OR6C4: variants seen among roughly 807,000 people sequenced by gnomAD.
OR6C4 encodes the protein olfactory receptor family 6 subfamily C member 4.
OR6C4 carries 20 observed loss-of-function variants against 15.1 expected under a neutral mutation model. The observed-to-expected ratio is 1.32, with a 90% CI of 0.93 to 1.92. The LOEUF is 1.92. OR6C4 is among the 30% of genes most tolerant of loss of function. OR6C4 has a pLI of 0.00. For missense variants in OR6C4, 491 were observed against 363.2 expected, an observed-to-expected ratio of 1.35 and a Z score of -2.86; for synonymous variants, 179 against 134.2, an observed-to-expected ratio of 1.33 and a Z score of -2.31.
In OR6C4 at chr12:55,553,080, C is replaced by A. The variant is rs1873920185; in HGVS notation, c.*924C>A. 6.6e-6 allele frequency: 1 copy of A among 151,906 alleles called. No individual in the cohort carries two copies. 9.4% of individuals were successfully genotyped at this position (151,906 alleles called of 1,614,324 possible). A position where few individuals can be genotyped will look rare whatever the true frequency, so the allele number is the denominator to read the frequency against. On this transcript the variant is annotated 3_prime_UTR_variant, in exon 2 of 2. Coordinates refer to ENST00000641569, the MANE Select transcript of OR6C4 (RefSeq NM_001005494.2). ...TCTTTAACTTTCCCCCAGATTTTTG[C>A]TTTCGTTTGTAACATAAACCATGGA...
At position 55,551,190 on chromosome 12, in the gene OR6C4, T is replaced by A. The variant is rs1185612750; in HGVS notation, c.-18-19T>A. The A allele has an allele frequency of 7.1e-7, 1 of 1,413,280 alleles. No homozygotes were observed. The highest frequency in any genetic ancestry group is 9.9e-7 in the Non-Finnish European group (1 of 1,011,554). 87.5% of individuals were successfully genotyped at this position (1,413,280 alleles called of 1,614,324 possible). On this transcript the variant is annotated intron_variant, in intron 1 of 1. Coordinates refer to ENST00000641569, the MANE Select transcript of OR6C4 (RefSeq NM_001005494.2). ...TAAGAAACTCTTCAATTTTCATCAT[T>A]CTCACCTTTTGCCTTTAGGTTTTCC...
At position 55,552,187 on chromosome 12, in the gene OR6C4, C is replaced by A; in HGVS notation, c.*31C>A. The A allele has an allele frequency of 6.8e-7, 1 of 1,460,430 alleles. No individual in the cohort carries two copies. Among genetic ancestry groups the A allele is most frequent in the South Asian group, 1.2e-5 (1 of 80,382 alleles). The allele number at this position is 1,460,430 out of a possible 1,614,324, so 90.5% of individuals were successfully genotyped here. On this transcript the variant is annotated 3_prime_UTR_variant, in exon 2 of 2. Coordinates refer to ENST00000641569, the MANE Select transcript of OR6C4 (RefSeq NM_001005494.2). ...GAGATTACACTTCAAAATACATTTTCACTTAACAAATATGCATTGAATGTC... is the reference window on the plus strand; with the variant it reads ...GAGATTACACTTCAAAATACATTTTAACTTAACAAATATGCATTGAATGTC...
Position 55,552,464 on chromosome 12 carries a change from G to A in OR6C4, c.*308G>A, listed in dbSNP as rs936349642. The A allele has an allele frequency of 1.5e-4, 33 of 217,568 alleles. No individual in the cohort carries two copies. The highest frequency in any genetic ancestry group is 7.1e-5 in the Non-Finnish European group (8 of 112,788). 13.5% of individuals were successfully genotyped at this position (217,568 alleles called of 1,614,324 possible). The stretch of plus-strand genomic sequence containing the variant: ...TGAAATTTAAGAAGCAAAACAGATT[G>A]TTTATTTAGAAGAGTAGGAGGATAA... On this transcript the variant is annotated 3_prime_UTR_variant, in exon 2 of 2. Transcript: ENST00000641569.
Position 55,552,080 on chromosome 12 carries a change from C to A in OR6C4, c.854C>A (p.Pro285His), listed in dbSNP as rs200626902. 2.5e-6 allele frequency: 4 copies of A among 1,612,420 alleles called. No individual in the cohort carries two copies. The Admixed American group carries it at 6.7e-5, about 27-fold the overall frequency. The stretch of plus-strand genomic sequence containing the variant: ...ACTTCGGTTACTCCCTTACTGAATC[C>A]CTTCATATATACTTTAAGAAATCAG... ...LITSVTPLLN[P>H]FIYTLRNQQV... Residue 285 changes from proline to histidine, a missense_variant, in exon 2 of 2, where the codon CCC becomes CAC. Transcript: ENST00000641569.
At position 55,551,642 on chromosome 12, in the gene OR6C4, G is replaced by C; in HGVS notation, c.416G>C (p.Cys139Ser). ...HYLTIMSSRV[C>S]IQLVFCSWLG... ...CTGACTATTATGAGCAGCAGAGTCT[G>C]CATACAACTAGTGTTCTGCTCCTGG... The change falls in exon 2 of 2, where the codon TGC becomes TCC. Residue 139 changes from cysteine (C) to serine (S), a missense_variant. Physicochemically the swap from Cys to Ser is moderately radical, Grantham distance 112. Coordinates refer to ENST00000641569, the MANE Select transcript of OR6C4 (RefSeq NM_001005494.2). 6.2e-7 allele frequency: 1 copy of C among 1,613,938 alleles called. No homozygotes were observed. The highest frequency in any genetic ancestry group is 8.5e-7 in the Non-Finnish European group (1 of 1,179,914).
At position 55,551,446 on chromosome 12, in the gene OR6C4, A is replaced by G; in HGVS notation, c.220A>G (p.Ile74Val). The G allele has an allele frequency of 1.1e-5, 17 of 1,613,774 alleles. No homozygotes were observed. The highest frequency in any genetic ancestry group is 1.4e-5 in the Non-Finnish European group (17 of 1,179,904). ...FSFLEISFTSIFIPRFLTSMT... is the reference protein window; with the variant it reads ...FSFLEISFTSVFIPRFLTSMT... Reference sequence around the variant, plus strand: ...CTTCTTAGAAATTTCCTTCACATCCATTTTTATTCCCAGATTTCTGACCAG... The same window carrying G: ...CTTCTTAGAAATTTCCTTCACATCCGTTTTTATTCCCAGATTTCTGACCAG... The change falls in exon 2 of 2, where the codon ATT (isoleucine) becomes GTT (valine). Residue 74 changes from isoleucine to valine, a missense_variant. Ile to Val is a conservative substitution (Grantham distance 29). Transcript: ENST00000641569.
At chr12:55,551,177 C>A (rs781698146) in intron 1 of OR6C4, 32 bp from the exon 2 acceptor site, 3 of 1,324,894 alleles carry the variant, frequency 2.3e-6, no homozygotes, top group Admixed American at 4.1e-5. Flanking sequence ...AGAAACTCTT[C>A]AATTTTCATC....
Position 55,551,238 on chromosome 12 carries a change from A to G in OR6C4, c.12A>G (p.Arg4=). 1 of 1,607,026 alleles carries G rather than the reference A, an allele frequency of 6.2e-7. No homozygotes were observed. The highest frequency in any genetic ancestry group is 8.5e-7 in the Non-Finnish European group (1 of 1,177,914). Residue 4 remains arginine, a synonymous_variant, in exon 2 of 2, where the codon AGA becomes AGG. Transcript: ENST00000641569. ...TCCGAAGGTCAACAATGAAAAACAGAACCATGTTTGGTGAGTTTATTCTAC... is the reference window on the plus strand; with the variant it reads ...TCCGAAGGTCAACAATGAAAAACAGGACCATGTTTGGTGAGTTTATTCTAC... The part of the protein sequence containing the change: MKN[R]TMFGEFILLG...
rs903183278 is a variant in OR6C4, at chr12:55,553,329, T to A, written c.*1173T>A. On this transcript the variant is annotated 3_prime_UTR_variant, in exon 2 of 2. Transcript: ENST00000641569. ...TTAATCTGAGCATTTGTACACAGTT[T>A]AATAATATCTTAAAAAATTGCAGGA... is the stretch of plus-strand genomic sequence containing the variant. The A allele has an allele frequency of 7.2e-5, 11 of 152,120 alleles. No homozygotes were observed. Among genetic ancestry groups the A allele is most frequent in the Admixed American group, 5.9e-4 (9 of 15,256 alleles). The allele number at this position is 152,120 out of a possible 1,614,324, so 9.4% of individuals were successfully genotyped here.
Position 55,551,826 on chromosome 12 carries a change from G to T in OR6C4, c.600G>T (p.Leu200Phe). The change falls in exon 2 of 2, where the codon TTG becomes TTT. Residue 200 changes from leucine (L) to phenylalanine (F), a missense_variant. By Grantham distance (22) the Leu-to-Phe change is conservative. Transcript: ENST00000641569. ...TCTTAGAACTGATGGTCATCCTCTT[G>T]GCCGTTGTGACTCTCATGGTTACTC... ...TSLLELMVIL[L>F]AVVTLMVTLV... 6.2e-7 allele frequency: 1 copy of T among 1,613,726 alleles called. No individual in the cohort carries two copies. Among genetic ancestry groups the T allele is most frequent in the Non-Finnish European group, 8.5e-7 (1 of 1,179,890 alleles).
rs1283169070 is a variant in OR6C4 at position 55,555,673 on chromosome 12, G to A, written c.*3517G>A. The A allele has an allele frequency of 6.6e-6, 1 of 152,212 alleles. No homozygotes were observed. Among genetic ancestry groups the A allele is most frequent in the Non-Finnish European group, 1.5e-5 (1 of 68,084 alleles). The allele number at this position is 152,212 out of a possible 1,614,324, so 9.4% of individuals were successfully genotyped here. A position where few individuals can be genotyped will look rare whatever the true frequency, so the allele number is the denominator to read the frequency against. ...CGTGCCTGTAGTTCCAGCTACTTGGGAGGCTAAGGTACAAGAATCACTTGA... is the reference window on the plus strand; with the variant it reads ...CGTGCCTGTAGTTCCAGCTACTTGGAAGGCTAAGGTACAAGAATCACTTGA... On this transcript the variant is annotated 3_prime_UTR_variant, in exon 2 of 2. Coordinates refer to ENST00000641569, the MANE Select transcript of OR6C4 (RefSeq NM_001005494.2).
At position 55,552,105 on chromosome 12, in the gene OR6C4, G is replaced by C. The variant is rs1484622257; in HGVS notation, c.879G>C (p.Gln293His). The change falls in exon 2 of 2, where the codon CAG becomes CAC. Residue 293 changes from glutamine to histidine, a missense_variant. By Grantham distance (24) the Gln-to-His change is conservative. Transcript: ENST00000641569. ...LNPFIYTLRNQQVKQAFKDSV... is the reference protein window; with the variant it reads ...LNPFIYTLRNHQVKQAFKDSV... ...CCTTCATATATACTTTAAGAAATCAGCAAGTGAAACAAGCTTTCAAGGACT... is the reference window on the plus strand; with the variant it reads ...CCTTCATATATACTTTAAGAAATCACCAAGTGAAACAAGCTTTCAAGGACT... 1 of 1,608,074 alleles carries C rather than the reference G, an allele frequency of 6.2e-7. No individual in the cohort carries two copies. The highest frequency in any genetic ancestry group is 1.7e-5 in the Admixed American group (1 of 58,528).
In OR6C4 at chr12:55,554,723, G is replaced by A. The variant is rs1378875773; in HGVS notation, c.*2567G>A. ...GTAAAAGCCAATCTGCTACATTTGG[G>A]CATTCATTCTTCTATTGCCTCTCTT... On this transcript the variant is annotated 3_prime_UTR_variant, in exon 2 of 2. Transcript: ENST00000641569. 1 of 152,100 alleles carries A rather than the reference G, an allele frequency of 6.6e-6. No homozygotes were observed. Among genetic ancestry groups the A allele is most frequent in the East Asian group, 1.9e-4 (1 of 5,192 alleles). The allele number at this position is 152,100 out of a possible 1,614,324, so 9.4% of individuals were successfully genotyped here.
At position 55,551,408 on chromosome 12, in the gene OR6C4, T is replaced by C; in HGVS notation, c.182T>C (p.Leu61Pro). The part of the protein sequence containing the change: ...PHLQTPMYFF[L>P]RNFSFLEISF... The stretch of plus-strand genomic sequence containing the variant: ...CTCCAGACCCCCATGTATTTCTTCC[T>C]CCGGAATTTCTCCTTCTTAGAAATT... Residue 61 changes from leucine to proline, a missense_variant, in exon 2 of 2, where the codon CTC becomes CCC. By Grantham distance (98) the Leu-to-Pro change is moderately conservative (BLOSUM62 -3). Transcript: ENST00000641569. 1 of 1,613,930 alleles carries C rather than the reference T, an allele frequency of 6.2e-7. No homozygotes were observed. The highest frequency in any genetic ancestry group is 8.5e-7 in the Non-Finnish European group (1 of 1,179,926).
rs1481571872 is a variant in OR6C4, at chr12:55,551,207, A to C, written c.-18-2A>C. ...TTCATCATTCTCACCTTTTGCCTTT[A>C]GGTTTTCCGAAGGTCAACAATGAAA... On this transcript the variant is annotated splice_acceptor_variant, in intron 1 of 1. Coordinates refer to ENST00000641569, the MANE Select transcript of OR6C4 (RefSeq NM_001005494.2). LOFTEE classifies it low-confidence loss of function (5UTR_SPLICE). The C allele has an allele frequency of 6.4e-7, 1 of 1,560,780 alleles. No homozygotes were observed. The highest frequency in any genetic ancestry group is 8.8e-7 in the Non-Finnish European group (1 of 1,142,070).
At position 55,551,810 on chromosome 12, in the gene OR6C4, T is replaced by C; in HGVS notation, c.584T>C (p.Leu195Pro). Residue 195 changes from leucine (L) to proline (P), a missense_variant, in exon 2 of 2, where the codon CTG becomes CCG. Coordinates refer to ENST00000641569, the MANE Select transcript of OR6C4 (RefSeq NM_001005494.2). Reference protein sequence around the residue: ...LACSDTSLLELMVILLAVVTL... With the variant: ...LACSDTSLLEPMVILLAVVTL... ...TGCTCAGACACAAGCCTCTTAGAAC[T>C]GATGGTCATCCTCTTGGCCGTTGTG... 6.2e-7 allele frequency: 1 copy of C among 1,613,272 alleles called. No homozygotes were observed. The highest frequency in any genetic ancestry group is 8.5e-7 in the Non-Finnish European group (1 of 1,179,892).
intron 1 of OR6C4, among the ~76,000 whole-genome samples, chr12:55,550,842 T>C (rs1344785543): frequency 1.3e-5 from 2 of 152,154 alleles, no homozygotes; most frequent in Admixed American, 1.3e-4. Context: ...GAGAGATGTG[T>C]GCCAAAAGCA....
chr12:55,554,166 T>C lies in OR6C4; in HGVS notation c.*2010T>C, dbSNP rs1391428846. ...TGGGTAGCTGGGTCAGCAAAGATCTTACCTACTCTTCAGATAAAGCCATCA... is the reference window on the plus strand; with the variant it reads ...TGGGTAGCTGGGTCAGCAAAGATCTCACCTACTCTTCAGATAAAGCCATCA... On this transcript the variant is annotated 3_prime_UTR_variant, in exon 2 of 2. Transcript: ENST00000641569. 1 of 152,122 alleles carries C rather than the reference T, an allele frequency of 6.6e-6. No individual in the cohort carries two copies. Among genetic ancestry groups the C allele is most frequent in the African/African-American group, 2.4e-5 (1 of 41,416 alleles). 9.4% of individuals were successfully genotyped at this position (152,122 alleles called of 1,614,324 possible). A position where few individuals can be genotyped will look rare whatever the true frequency, so the allele number is the denominator to read the frequency against.
chr12:55,550,490 C>T (rs1044855267), intron 1 of OR6C4, among the ~76,000 whole-genome samples: 5 of 152,110 alleles, frequency 3.3e-5, no homozygotes, highest in Admixed American at 6.6e-5. Context: ...AAATCCATTC[C>T]GTGATGCTGC....
Sources: gnomAD v4.1 joint callset for allele counts (sites outside exome capture counted in the v4.1 genomes callset) on GRCh38, gnomAD v4.1.1 for gene constraint, MANE v1.5 for transcripts, NCBI Gene and HGNC (gene_info 2026-07-23, HGNC 2026-07-21) for gene names.